SLC26A8: variants seen among roughly 807,000 people sequenced by gnomAD.
SLC26A8 encodes the protein solute carrier family 26 member 8.
In SLC26A8, 70 loss-of-function variants were observed where a neutral mutation model predicts 105.0. The observed-to-expected ratio is 0.67, with a 90% CI of 0.55 to 0.81. SLC26A8 has a LOEUF of 0.81. Among genes scored for constraint, SLC26A8 ranks in the 40% least tolerant of loss-of-function variants. SLC26A8 has a pLI of 0.00. For synonymous variants in SLC26A8, 415 were observed against 438.3 expected, an observed-to-expected ratio of 0.95 and a Z score of 0.66; for missense variants, 998 against 1,181.8, an observed-to-expected ratio of 0.84 and a Z score of 2.28.
In SLC26A8 at chr6:35,993,864, A is replaced by G. The variant is rs1761262850; in HGVS notation, c.628-1190T>C. ...AACATGGCGACACTTTGTCTCTACAACAAGAAAAATAAAAAACAAAAAGAG... is the reference window on the plus strand; with the variant it reads ...AACATGGCGACACTTTGTCTCTACAGCAAGAAAAATAAAAAACAAAAAGAG... On this transcript the variant is annotated intron_variant, in intron 5 of 19. Transcript: ENST00000490799. Among the ~76,000 whole-genome samples, 2 of 152,096 alleles carry G rather than the reference A, an allele frequency of 1.3e-5. 1 individual carries two copies.
intron 17 of SLC26A8, among the ~76,000 whole-genome samples, chr6:35,951,786 C>G (rs1771882605): frequency 6.6e-6 from 1 of 152,150 alleles, no homozygotes; most frequent in South Asian, 2.1e-4. Flanking sequence ...CCATATTGGC[C>G]AGGCTGGTCT....
At chr6:35,972,005 T>C (rs1772816353) in intron 10 of SLC26A8, among the ~76,000 whole-genome samples, 1 of 152,214 alleles carries the variant, frequency 6.6e-6, no homozygotes, top group African/African-American at 2.4e-5. Flanking sequence ...GGGTCAGGCC[T>C]GCCAATGCCT....
intron 3 of SLC26A8, among the ~76,000 whole-genome samples, chr6:36,009,864 G>A (rs979426461): frequency 6.6e-6 from 1 of 152,088 alleles, no homozygotes; most frequent in African/African-American, 2.4e-5. Context: ...AGGGTACATG[G>A]GTTCTATCTG....
At chr6:35,952,621 G>A (rs1771918022) in intron 17 of SLC26A8, among the ~76,000 whole-genome samples, 1 of 152,130 alleles carries the variant, frequency 6.6e-6, no homozygotes, top group African/African-American at 2.4e-5. Context: ...AAAGTCATTT[G>A]GCAAAGGGCC....
intron 7 of SLC26A8, among the ~76,000 whole-genome samples, chr6:35,984,714 C>T (rs1773423955): frequency 6.6e-6 from 1 of 152,124 alleles, no homozygotes; most frequent in African/African-American, 2.4e-5. Flanking sequence ...TCTCTCCTTT[C>T]CTTATAACTC....
chr6:35,968,849 A>G (rs772458104), intron 11 of SLC26A8, 28 bp downstream of exon 11: 11 of 1,325,544 alleles, frequency 8.3e-6, no homozygotes, highest in Non-Finnish European at 7.9e-6. Flanking sequence ...GTCGTTGTTG[A>G]CTTAGTTATT....
intron 17 of SLC26A8, among the ~76,000 whole-genome samples, chr6:35,953,500 T>C (rs773008353): frequency 1.3e-5 from 2 of 152,212 alleles, no homozygotes; most frequent in Non-Finnish European, 2.9e-5. Context: ...TATATACATG[T>C]GCCCAGCTCA....
chr6:35,944,099 T>G lies in SLC26A8; in HGVS notation c.2714A>C (p.Glu905Ala). 1 of 1,614,088 alleles carries G rather than the reference T, an allele frequency of 6.2e-7. No individual in the cohort carries two copies. Residue 905 changes from glutamate to alanine, a missense_variant, in exon 20 of 20, where the codon GAG (glutamate) becomes GCG (alanine). Transcript: ENST00000490799. The part of the protein sequence containing the change: ...KTQTEMEPQP[E>A]TEPEMEPNPK... The stretch of plus-strand genomic sequence containing the variant: ...GTTGGGCTCCATCTCAGGCTCAGTC[T>G]CAGGCTGGGGCTCCATCTCGGTCTG...
intron 3 of SLC26A8, among the ~76,000 whole-genome samples, chr6:36,007,147 A>G (rs1032852334): frequency 6.7e-6 from 1 of 148,342 alleles, no homozygotes; most frequent in Admixed American, 6.8e-5. Context: ...ATAACAAGCA[A>G]TAAAAAGTCA....
Position 35,944,317 on chromosome 6 carries a change from C to T in SLC26A8, c.2496G>A (p.Met832Ile). 1 of 1,612,328 alleles carries T rather than the reference C, an allele frequency of 6.2e-7. No individual in the cohort carries two copies. Among genetic ancestry groups the T allele is most frequent in the South Asian group, 1.1e-5 (1 of 91,032 alleles). Residue 832 changes from methionine to isoleucine, a missense_variant, in exon 20 of 20, where the codon ATG becomes ATA. Physicochemically the swap from Met to Ile is conservative, Grantham distance 10. Coordinates refer to ENST00000490799, the MANE Select transcript of SLC26A8 (RefSeq NM_052961.4). ...TDKNDNSRYK[M>I]SSSFLGSQKN... ...TTTGGCTTCCTAGAAAACTGCTGCTCATTTTATATCTTGAATTGTCATTCT... is the reference window on the plus strand; with the variant it reads ...TTTGGCTTCCTAGAAAACTGCTGCTTATTTTATATCTTGAATTGTCATTCT...
chr6:36,011,576 G>A (rs1761856300), intron 3 of SLC26A8, among the ~76,000 whole-genome samples: 1 of 152,176 alleles, frequency 6.6e-6, no homozygotes, highest in Admixed American at 6.5e-5. Flanking sequence ...ACTTGCTGGA[G>A]AGATGCTGGC....
chr6:35,991,418 A>C (rs988759545), intron 7 of SLC26A8, among the ~76,000 whole-genome samples: 2 of 151,998 alleles, frequency 1.3e-5, no homozygotes, highest in African/African-American at 4.8e-5. Flanking sequence ...AAAAAAAAAA[A>C]AAACTTGATT....
intron 8 of SLC26A8, among the ~76,000 whole-genome samples, chr6:35,977,989 G>A (rs980394137): frequency 1.6e-4 from 25 of 151,998 alleles, no homozygotes; most frequent in African/African-American, 5.8e-4. Context: ...TGGAGGCTGA[G>A]GCATGGGAAT....
chr6:35,992,666 C>T lies in SLC26A8; in HGVS notation c.636G>A (p.Met212Ile). 3 of 1,608,252 alleles carry T rather than the reference C, an allele frequency of 1.9e-6. No homozygotes were observed. In the East Asian group the frequency reaches 6.7e-5, roughly 36 times the overall value. Residue 212 changes from methionine (M) to isoleucine (I), a missense_variant, in exon 6 of 20, where the codon ATG becomes ATA. Physicochemically the swap from Met to Ile is conservative, Grantham distance 10. Coordinates refer to ENST00000490799, the MANE Select transcript of SLC26A8 (RefSeq NM_052961.4). ...TFLTGIIQLI[M>I]GVLGLGFIAT... ...CAATGAAGCCCAAACCCAATACGCC[C>T]ATTATTAGCTGCAGAGAAGAGAAAA...
At chr6:36,017,952 A>G (rs1762037860) in intron 2 of SLC26A8, among the ~76,000 whole-genome samples, 1 of 152,220 alleles carries the variant, frequency 6.6e-6, no homozygotes, top group South Asian at 2.1e-4. Flanking sequence ...GAAAATGCAG[A>G]ACAAAAGCAA....
At chr6:35,999,565 A>G (rs1761460645) in intron 4 of SLC26A8, among the ~76,000 whole-genome samples, 1 of 152,232 alleles carries the variant, frequency 6.6e-6, no homozygotes, top group Admixed American at 6.5e-5. Flanking sequence ...TGTTTTGATT[A>G]CTGTGATAAC....
intron 12 of SLC26A8, 57 bp downstream of exon 12, chr6:35,962,469 C>T: frequency 1.4e-6 from 2 of 1,389,518 alleles, no homozygotes; most frequent in Non-Finnish European, 2.0e-6. Context: ...TGTTCTTTCT[C>T]CCTCTCTCCA....
chr6:35,977,973 C>T (rs1773105102), intron 8 of SLC26A8, among the ~76,000 whole-genome samples: 2 of 151,638 alleles, frequency 1.3e-5, no homozygotes, highest in African/African-American at 4.8e-5. Context: ...GTAATCCCAG[C>T]TACTCTGGAG....
intron 3 of SLC26A8, among the ~76,000 whole-genome samples, chr6:36,003,237 G>A (rs908862657): frequency 6.6e-5 from 10 of 152,152 alleles, no homozygotes; most frequent in African/African-American, 2.4e-4. Context: ...TTTTGTGTAT[G>A]GTGTGAGGTA....
Sources: allele counts gnomAD v4.1 joint callset (sites outside exome capture counted in the v4.1 genomes callset), GRCh38; gene constraint gnomAD v4.1.1; transcripts MANE v1.5; gene names NCBI Gene and HGNC (gene_info 2026-07-23, HGNC 2026-07-21).